Variants in SACS observed in about 807,000 individuals in gnomAD.
SACS encodes sacsin.
SACS carries 197 observed loss-of-function variants against 348.0 expected under a neutral mutation model. The observed-to-expected ratio is 0.57, with a 90% CI of 0.50 to 0.64. SACS has a LOEUF of 0.64. Among genes scored for constraint, SACS ranks in the 30% least tolerant of loss-of-function variants. The pLI is 0.00. For synonymous variants in SACS, 1,985 were observed against 1,910.6 expected (o/e 1.04, Z -1.02); for missense variants, 4,999 against 5,360.8 (o/e 0.93, Z 2.11).
chr13:23,365,189 G>A lies in SACS; in HGVS notation c.434C>T (p.Ser145Leu). 1 of 1,611,602 alleles carries A rather than the reference G, an allele frequency of 6.2e-7. No homozygotes were observed. The highest frequency in any genetic ancestry group is 8.5e-7 in the Non-Finnish European group (1 of 1,178,754). Residue 145 changes from serine (S) to leucine (L), a missense_variant, in exon 6 of 10, where the codon TCA (serine) becomes TTA (leucine). Ser to Leu is a moderately radical substitution (Grantham distance 145). Transcript: ENST00000382292. ...ETQYGTETLW[S>L]KDMAPYQGPA... ...ACCCTGATATGGCGCCATATCTTTT[G>A]ACCAAAGAGTCTCTGTTCCGTATTG...
At chr13:23,353,300 T>G (rs1870092213) in intron 9 of SACS, among the ~76,000 whole-genome samples, 2 of 152,158 alleles carry the variant, frequency 1.3e-5, no homozygotes, top group Non-Finnish European at 2.9e-5. Context: ...AAACCCAGCA[T>G]CATAACTACA....
intron 1 of SACS, among the ~76,000 whole-genome samples, chr13:23,417,475 A>C (rs2137981181): frequency 6.6e-6 from 1 of 152,336 alleles, no homozygotes; most frequent in East Asian, 1.9e-4. Flanking sequence ...AGACCCTTGC[A>C]TTAATGAGAA....
At chr13:23,354,418 G>C (rs1373574469) in intron 8 of SACS, 101 bp downstream of exon 8, 2 of 995,110 alleles carry the variant, frequency 2.0e-6, no homozygotes, top group Non-Finnish European at 1.6e-6. Context: ...CTATAAAATC[G>C]ACATAGAAAA....
chr13:23,422,023 C>T (rs1461962299), intron 1 of SACS, among the ~76,000 whole-genome samples: 4 of 152,052 alleles, frequency 2.6e-5, no homozygotes, highest in African/African-American at 7.2e-5. Context: ...ACGGCCTGGG[C>T]GTCCACCTAT....
At chr13:23,348,841 T>C (rs1869780614) in intron 9 of SACS, among the ~76,000 whole-genome samples, 1 of 152,212 alleles carries the variant, frequency 6.6e-6, no homozygotes. Flanking sequence ...GCACCTACAC[T>C]GAAGTAGGCA....
chr13:23,334,258 T>G lies in SACS; in HGVS notation c.9618A>C (p.Ala3206=). Residue 3206 remains alanine, a synonymous_variant, in exon 10 of 10, where the codon GCA becomes GCC. Transcript: ENST00000382292. ...YSNILLNCKV[A]KVFDISSFAD... Reference sequence around the variant, plus strand: ...CAAAGCTGGAAATGTCAAACACTTTTGCAACTTTACAGTTCAATAAAATAT... The same window carrying G: ...CAAAGCTGGAAATGTCAAACACTTTGGCAACTTTACAGTTCAATAAAATAT... 6.2e-7 allele frequency: 1 copy of G among 1,612,550 alleles called. No individual in the cohort carries two copies. Among genetic ancestry groups the G allele is most frequent in the South Asian group, 1.1e-5 (1 of 90,882 alleles).
chr13:23,341,781 T>TTC, intron 9 of SACS, 91 bp from the exon 10 acceptor site: 1 of 47,654 alleles, frequency 2.1e-5, no homozygotes, highest in Non-Finnish European at 3.9e-5. Flanking sequence ...TGGAAGGTTC[T>TTC]TTTTTTTTTT....
In SACS at chr13:23,331,202, T is replaced by C. The variant is rs1226845048; in HGVS notation, c.12674A>G (p.Tyr4225Cys). The C allele has an allele frequency of 6.2e-7, 1 of 1,613,690 alleles. No homozygotes were observed. The highest frequency in any genetic ancestry group is 1.1e-5 in the South Asian group (1 of 91,070). The change falls in exon 10 of 10, where the codon TAT becomes TGT. Residue 4225 changes from tyrosine to cysteine, a missense_variant. Physicochemically the swap from Tyr to Cys is radical, Grantham distance 194. Transcript: ENST00000382292. Reference protein sequence around the residue: ...ADNSSFLGKIYQIDIGYSEYK... With the variant: ...ADNSSFLGKICQIDIGYSEYK... ...TTCACTATAACCAATATCTATCTGA[T>C]ATATCTTTCCTAGAAAACTAGAATT...
chr13:23,363,218 T>A (rs1300500975), intron 6 of SACS, among the ~76,000 whole-genome samples: 1 of 149,452 alleles, frequency 6.7e-6, no homozygotes, highest in African/African-American at 2.5e-5. Flanking sequence ...CTACATTTAT[T>A]TTTTACTTAC....
intron 1 of SACS, chr13:23,428,322 T>C (rs1417867156): frequency 6.6e-6 from 1 of 152,226 alleles, no homozygotes; most frequent in Non-Finnish European, 1.5e-5. Context: ...ATCAGCGAAG[T>C]AATCATCTCA....
intron 2 of SACS, among the ~76,000 whole-genome samples, chr13:23,408,453 ATATT>A (rs1873329099): frequency 6.6e-6 from 1 of 152,276 alleles, no homozygotes; most frequent in African/African-American, 2.4e-5. Context: ...TCAGATGAAT[ATATT>A]TAATACTATA....
rs557032423 is a variant in SACS at position 23,391,820 on chromosome 13, C to G, written c.21-16551G>C. Among the ~76,000 whole-genome samples, 13 of 151,710 alleles carry G rather than the reference C, an allele frequency of 8.6e-5. No individual in the cohort carries two copies. In the South Asian group the frequency reaches 2.7e-3, roughly 32 times the overall value. ...GGAATCAAACTGACTGTGACAGGTACAGCATGCCAGATTGGCAGGAAAGTA... is the reference window on the plus strand; with the variant it reads ...GGAATCAAACTGACTGTGACAGGTAGAGCATGCCAGATTGGCAGGAAAGTA... On this transcript the variant is annotated intron_variant, in intron 2 of 9. Transcript: ENST00000382292.
At position 23,355,517 on chromosome 13, in the gene SACS, G is replaced by A. The variant is rs1394437215; in HGVS notation, c.1095C>T (p.Ser365=). 6.2e-7 allele frequency: 1 copy of A among 1,614,062 alleles called. No individual in the cohort carries two copies. Residue 365 remains serine, a synonymous_variant, in exon 8 of 10, where the codon AGC becomes AGT. Coordinates refer to ENST00000382292, the MANE Select transcript of SACS (RefSeq NM_014363.6). ...GATATGTTACACAGGTGATGTTATTGCTTGGAGTCTTTTTACAATAGTTAC... is the reference window on the plus strand; with the variant it reads ...GATATGTTACACAGGTGATGTTATTACTTGGAGTCTTTTTACAATAGTTAC... ...AISNYCKKTP[S]NNITCVTYHV...
At position 23,353,635 on chromosome 13, in the gene SACS, G is replaced by C. The variant is rs980590233; in HGVS notation, c.2185+150C>G. ...ACAGCATCTCTTAGATGCCATTCTG[G>C]CAACTGAAATATCTTAAAACACAAA... On this transcript the variant is annotated intron_variant, in intron 9 of 9. Coordinates refer to ENST00000382292, the MANE Select transcript of SACS (RefSeq NM_014363.6). 4 of 593,856 alleles carry C rather than the reference G, an allele frequency of 6.7e-6. No homozygotes were observed. In the African/African-American group the frequency reaches 7.5e-5, roughly 11 times the overall value. 36.8% of individuals were successfully genotyped at this position (593,856 alleles called of 1,614,324 possible).
intron 1 of SACS, among the ~76,000 whole-genome samples, chr13:23,425,113 G>C (rs1874115719): frequency 6.6e-6 from 1 of 151,974 alleles, no homozygotes; most frequent in Non-Finnish European, 1.5e-5. Context: ...TGTCCACTTG[G>C]GGCCTGACGT....
At chr13:23,407,598 T>C (rs1268581796) in intron 2 of SACS, among the ~76,000 whole-genome samples, 2 of 152,208 alleles carry the variant, frequency 1.3e-5, no homozygotes, top group African/African-American at 4.8e-5. Flanking sequence ...TGGTCCTTAA[T>C]GAACAAAAAA....
In SACS at chr13:23,386,146, T is replaced by G. The variant is rs1325920632; in HGVS notation, c.21-10877A>C. On this transcript the variant is annotated intron_variant, in intron 2 of 9. Transcript: ENST00000382292. ...GCTTCAACTTAGTCACCAGCTGCAT[T>G]AGCCCCTAACAAGAGTCAACTTGTC... Among the ~76,000 whole-genome samples the G allele has an allele frequency of 2.0e-5, 3 of 152,226 alleles. No individual in the cohort carries two copies. The East Asian group carries it at 5.8e-4, about 29-fold the overall frequency.
Position 23,336,346 on chromosome 13 carries a change from T to C in SACS, c.7530A>G (p.Ala2510=), listed in dbSNP as rs540193448. 2 of 1,614,120 alleles carry C rather than the reference T, an allele frequency of 1.2e-6. No homozygotes were observed. The highest frequency in any genetic ancestry group is 1.3e-5 in the African/African-American group (1 of 75,064). ...CAAGTGTTGTAAAACAGACATTGGA[T>C]GCATATCTTTCTAAGGCTTTGTGTC... ...PKRHKALERY[A]SNVCFTTLGT... The change falls in exon 10 of 10, where the codon GCA becomes GCG. Residue 2510 remains alanine (A), a synonymous_variant. Transcript: ENST00000382292.
rs1454088141 is a variant in SACS, at chr13:23,339,150, C to A, written c.4726G>T (p.Glu1576Ter). Residue 1576 changes from glutamate to a stop codon, truncating the protein, a stop_gained, in exon 10 of 10, where the codon GAA becomes TAA. Transcript: ENST00000382292. LOFTEE classifies it high-confidence loss of function. ...ITDIPIIMSR[E>*]FMIMFDPNIN... The stretch of plus-strand genomic sequence containing the variant: ...TTTGGATCGAACATTATCATGAATT[C>A]CCGACTCATAATGATGGGAATGTCA... 6.2e-7 allele frequency: 1 copy of A among 1,611,706 alleles called. No individual in the cohort carries two copies.
Sources: gnomAD v4.1 joint callset for allele counts (sites outside exome capture counted in the v4.1 genomes callset) on GRCh38, gnomAD v4.1.1 for gene constraint, MANE v1.5 for transcripts, NCBI Gene and HGNC (gene_info 2026-07-23, HGNC 2026-07-21) for gene names.